Variants in AQP7B observed in about 807,000 individuals in gnomAD.
AQP7B encodes the protein putative aquaporin-7B.
At chr2:94,598,230 A>C in the AQP7B span, among the ~76,000 whole-genome samples, 1 of 152,110 alleles carries the variant, frequency 6.6e-6, no homozygotes, top group African/African-American at 2.4e-5. Context: ...AAAAATATAT[A>C]TATAGGAATC....
At chr2:94,603,215 C>G in the AQP7B span, 1 of 1,451,464 alleles carries the variant, frequency 6.9e-7, no homozygotes, top group East Asian at 2.3e-5. Flanking sequence ...GCCTCAGCCG[C>G]CTCCTATGAA....
At chr2:94,603,070 A>G in the AQP7B span, 1 of 1,596,150 alleles carries the variant, frequency 6.3e-7, no homozygotes, top group Non-Finnish European at 8.5e-7. Context: ...ACCTTCACTA[A>G]CTGTGCGCTG....
chr2:94,588,426 C>A, the AQP7B span: 1 of 611,134 alleles, frequency 1.6e-6, no homozygotes, highest in African/African-American at 1.9e-5. Context: ...CCCTGGGGAC[C>A]AAGGTCTGAT....
the AQP7B span, chr2:94,594,598 A>T: frequency 1.6e-6 from 1 of 614,054 alleles, no homozygotes; most frequent in Non-Finnish European, 2.9e-6. Context: ...CTCCAATTCC[A>T]GCTGTCCCAG....
the AQP7B span, among the ~76,000 whole-genome samples, chr2:94,594,389 C>G: frequency 1.3e-5 from 2 of 152,228 alleles, no homozygotes; most frequent in East Asian, 1.9e-4. Context: ...CTGAGCTCTA[C>G]TTTCCAGCCT....
At chr2:94,604,536 C>T in the AQP7B span, 4 of 1,608,776 alleles carry the variant, frequency 2.5e-6, no homozygotes, top group African/African-American at 1.3e-5. Context: ...CACTCTGCCC[C>T]ACCCTTACAT....
At chr2:94,593,091 GGAT>G in the AQP7B span, among the ~76,000 whole-genome samples, 2 of 152,052 alleles carry the variant, frequency 1.3e-5, no homozygotes, top group African/African-American at 2.4e-5. Flanking sequence ...GCAAGTGCTG[GGAT>G]TACAGGCGTG....
the AQP7B span, chr2:94,594,900 G>A: frequency 7.5e-7 from 1 of 1,335,892 alleles, no homozygotes; most frequent in Non-Finnish European, 1.1e-6. Flanking sequence ...CACGAAGTGG[G>A]TGGGGCTCCA....
chr2:94,603,067 C>T, the AQP7B span: 2 of 1,596,500 alleles, frequency 1.3e-6, no homozygotes, highest in Non-Finnish European at 8.5e-7. Context: ...GTGACCTTCA[C>T]TAACTGTGCG....
At chr2:94,592,275 C>T in the AQP7B span, among the ~76,000 whole-genome samples, 1 of 152,126 alleles carries the variant, frequency 6.6e-6, no homozygotes, top group South Asian at 2.1e-4. Flanking sequence ...CCCCTGACCT[C>T]GCAGCAGCAA....
At chr2:94,594,696 G>A in the AQP7B span, 11 of 1,319,630 alleles carry the variant, frequency 8.3e-6, no homozygotes, top group African/African-American at 1.5e-5. Context: ...TGGGCAGCAG[G>A]CAAACTTGAG....
the AQP7B span, chr2:94,594,912 C>T: frequency 2.5e-6 from 3 of 1,220,186 alleles, no homozygotes; most frequent in Non-Finnish European, 1.2e-6. Flanking sequence ...GGGGCTCCAC[C>T]AGGGCTGTCC....
At chr2:94,587,761 G>T in the AQP7B span, among the ~76,000 whole-genome samples, 6 of 152,134 alleles carry the variant, frequency 3.9e-5, no homozygotes, top group East Asian at 9.6e-4. Context: ...TGGACCACAG[G>T]GGGAGGCGTG....
the AQP7B span, among the ~76,000 whole-genome samples, chr2:94,596,793 A>G: frequency 1.4e-3 from 207 of 152,260 alleles, no homozygotes; most frequent in African/African-American, 4.8e-3. Context: ...CCCACCTCCC[A>G]TACTCAAGTG....
At chr2:94,590,848 G>A in the AQP7B span, among the ~76,000 whole-genome samples, 8 of 150,820 alleles carry the variant, frequency 5.3e-5, no homozygotes, top group African/African-American at 1.9e-4. Context: ...GGAGGCTGAG[G>A]TGGGAGGATC....
the AQP7B span, among the ~76,000 whole-genome samples, chr2:94,596,830 G>A: frequency 1.1e-4 from 16 of 152,248 alleles, no homozygotes; most frequent in African/African-American, 3.4e-4. Flanking sequence ...CTCTTGAGTA[G>A]CTGGGACTAC....
chr2:94,588,324 C>T, the AQP7B span, among the ~76,000 whole-genome samples: 4 of 151,814 alleles, frequency 2.6e-5, no homozygotes, highest in Non-Finnish European at 5.9e-5. Flanking sequence ...GGCTCCAGGA[C>T]GTCACCTCAT....
the AQP7B span, among the ~76,000 whole-genome samples, chr2:94,601,821 C>T: frequency 6.6e-6 from 1 of 152,054 alleles, no homozygotes; most frequent in Admixed American, 6.6e-5. Flanking sequence ...GGAGCCAGGA[C>T]TGAAGGGAAC....
the AQP7B span, chr2:94,604,218 C>T: frequency 5.0e-5 from 73 of 1,448,054 alleles, no homozygotes; most frequent in South Asian, 9.4e-5. Context: ...AACCAGTCTT[C>T]GCCCAAGGTG....
Sources: allele counts gnomAD v4.1 joint callset (sites outside exome capture counted in the v4.1 genomes callset), GRCh38; gene constraint gnomAD v4.1.1; transcripts MANE v1.5; gene names NCBI Gene and HGNC (gene_info 2026-07-23, HGNC 2026-07-21).